Variants in TNC observed in about 807,000 individuals in gnomAD.
TNC encodes the protein tenascin.
In TNC, 109 loss-of-function variants were observed where a neutral mutation model predicts 202.4. The observed-to-expected ratio is 0.54, with a 90% confidence interval of 0.46 to 0.63. TNC has a LOEUF of 0.63. Among genes scored for constraint, TNC ranks in the 30% least tolerant of loss-of-function variants. The pLI, the probability that TNC is intolerant of heterozygous loss-of-function variation, is 0.00. For missense variants in TNC, 2,756 were observed against 2,833.3 expected (o/e 0.97, Z 0.62); for synonymous variants, 1,007 against 1,089.7 (o/e 0.92, Z 1.50).
rs1467630077 is a variant in TNC, at chr9:115,092,913, C to T, written c.-136-1759G>A. ...TATTTGGTTTTTAGCATGTCATTTA[C>T]AAATTGACATTTCCCTATGCCCATG... On this transcript the variant is annotated intron_variant, in intron 1 of 27. Coordinates refer to ENST00000350763, the MANE Select transcript of TNC (RefSeq NM_002160.4). 3.3e-5 allele frequency among the ~76,000 whole-genome samples: 5 copies of T among 152,128 alleles called. No individual in the cohort carries two copies. In the East Asian group the frequency reaches 9.6e-4, roughly 29 times the overall value.
chr9:115,059,314 T>A (rs903106439), intron 14 of TNC, among the ~76,000 whole-genome samples: 1 of 152,174 alleles, frequency 6.6e-6, no homozygotes, highest in Non-Finnish European at 1.5e-5. Context: ...AAAAGCACCA[T>A]TTCCAACTAG....
At chr9:115,091,532 A>G (rs949495276) in intron 1 of TNC, among the ~76,000 whole-genome samples, 5 of 152,340 alleles carry the variant, frequency 3.3e-5, no homozygotes, top group Non-Finnish European at 5.9e-5. Context: ...TGACAGGGTT[A>G]AAAGAATGAT....
chr9:115,029,748 G>A (rs999754043), intron 24 of TNC, among the ~76,000 whole-genome samples: 32 of 152,164 alleles, frequency 2.1e-4, no homozygotes, highest in Non-Finnish European at 1.3e-4. Flanking sequence ...ATAATGGGGA[G>A]GTTGTGTGGG....
chr9:115,066,812 T>C (rs1022547112), intron 10 of TNC, among the ~76,000 whole-genome samples: 3 of 152,264 alleles, frequency 2.0e-5, no homozygotes, highest in African/African-American at 7.2e-5. Flanking sequence ...TATTGGAGCA[T>C]AGCCATGCTT....
chr9:115,083,273 C>A (rs1191544161), intron 4 of TNC, among the ~76,000 whole-genome samples: 1 of 152,106 alleles, frequency 6.6e-6, no homozygotes, highest in Admixed American at 6.5e-5. Context: ...GAATAAATGG[C>A]AGCCAATGTT....
At chr9:115,101,718 T>G (rs928296052) in intron 1 of TNC, among the ~76,000 whole-genome samples, 8 of 152,182 alleles carry the variant, frequency 5.3e-5, no homozygotes, top group African/African-American at 1.7e-4. Flanking sequence ...AAGGAGCTAT[T>G]TTTTGTTCCT....
At position 115,077,977 on chromosome 9, in the gene TNC, C is replaced by G; in HGVS notation, c.2640G>C (p.Met880Ile). The G allele has an allele frequency of 1.2e-6, 2 of 1,614,198 alleles. No individual in the cohort carries two copies. The highest frequency in any genetic ancestry group is 1.7e-6 in the Non-Finnish European group (2 of 1,180,026). The change falls in exon 7 of 28, where the codon ATG becomes ATC. Residue 880 changes from methionine (M) to isoleucine (I), a missense_variant. By Grantham distance (10) the Met-to-Ile change is conservative. Around this residue, in one of 2 missense-constraint regions of TNC, gnomAD observed 2,559 missense variants for 2,546.0 expected, o/e 1.01. Coordinates refer to ENST00000350763, the MANE Select transcript of TNC (RefSeq NM_002160.4). ...AGGTCTCTTTGGCTGGGTTGCTTGA[C>G]ATGTCACCTCTGCGGGAGATGAGGG... ...EVSLISRRGD[M>I]SSNPAKETFT...
At chr9:115,084,943 C>T (rs1834594010) in intron 3 of TNC, among the ~76,000 whole-genome samples, 1 of 152,196 alleles carries the variant, frequency 6.6e-6, no homozygotes, top group Non-Finnish European at 1.5e-5. Flanking sequence ...GAACTTGTAT[C>T]TCCTCCCTGC....
chr9:115,055,689 T>G (rs1021902633), intron 15 of TNC: 1 of 152,294 alleles, frequency 6.6e-6, no homozygotes, highest in Non-Finnish European at 1.5e-5. Context: ...TCCCACGAGA[T>G]GGACACACTG....
chr9:115,038,250 C>T lies in TNC; in HGVS notation c.5512+11G>A. The stretch of plus-strand genomic sequence containing the variant: ...TCCTTAGAGTGAGGAGAGACTTGGA[C>T]AAAACCTTACCTTTCTCGCCTGTGT... On this transcript the variant is annotated intron_variant, in intron 20 of 27. Transcript: ENST00000350763. 6.2e-7 allele frequency: 1 copy of T among 1,612,820 alleles called. No individual in the cohort carries two copies. Among genetic ancestry groups the T allele is most frequent in the Non-Finnish European group, 8.5e-7 (1 of 1,179,090 alleles).
In TNC at chr9:115,027,565, C is replaced by T. The variant is rs979083948; in HGVS notation, c.6170-870G>A. 2.6e-5 allele frequency among the ~76,000 whole-genome samples: 4 copies of T among 152,066 alleles called. 1 individual carries two copies. Among genetic ancestry groups the T allele is most frequent in the African/African-American group, 9.6e-5 (4 of 41,466 alleles). On this transcript the variant is annotated intron_variant, in intron 25 of 27. Coordinates refer to ENST00000350763, the MANE Select transcript of TNC (RefSeq NM_002160.4). ...AGATCACACCACTGCATTCCAGCCT[C>T]GGCGACAGAGTGAAACTCTGTCTAA... is the stretch of plus-strand genomic sequence containing the variant.
intron 20 of TNC, 140 bp downstream of exon 20, chr9:115,038,121 T>G: frequency 8.9e-7 from 1 of 1,129,150 alleles, no homozygotes; most frequent in Admixed American, 2.5e-5. Flanking sequence ...GGGAGCCACA[T>G]GAACATTACT....
intron 1 of TNC, among the ~76,000 whole-genome samples, chr9:115,099,707 G>T (rs1410454557): frequency 6.6e-6 from 1 of 152,142 alleles, no homozygotes; most frequent in East Asian, 1.9e-4. Flanking sequence ...ATACTTAAAA[G>T]GATGGAGACC....
At chr9:115,067,673 A>G (rs909413487) in intron 10 of TNC, among the ~76,000 whole-genome samples, 2 of 152,146 alleles carry the variant, frequency 1.3e-5, no homozygotes, top group African/African-American at 4.8e-5. Context: ...TCGGATATTT[A>G]GTATGCCACT....
chr9:115,093,077 C>G (rs1835355686), intron 1 of TNC, among the ~76,000 whole-genome samples: 1 of 152,086 alleles, frequency 6.6e-6, no homozygotes, highest in Non-Finnish European at 1.5e-5. Flanking sequence ...TCAACATGAT[C>G]CCAACTGACC....
Position 115,078,108 on chromosome 9 carries a change from A to G in TNC, c.2509T>C (p.Tyr837His), listed in dbSNP as rs1406800539. 2.5e-6 allele frequency: 4 copies of G among 1,614,224 alleles called. No individual in the cohort carries two copies. The highest frequency in any genetic ancestry group is 2.7e-5 in the African/African-American group (2 of 75,054). Residue 837 changes from tyrosine (Y) to histidine (H), a missense_variant, in exon 7 of 28, where the codon TAC becomes CAC. Physicochemically the swap from Tyr to His is moderately conservative, Grantham distance 83. Coordinates refer to ENST00000350763, the MANE Select transcript of TNC (RefSeq NM_002160.4). ...LAEIDGIELT[Y>H]GIKDVPGDRT... ...TCTCCTGGCACGTCTTTGATGCCGT[A>G]GGTCAGCTCAATGCCATCGATCTCA...
Position 115,086,786 on chromosome 9 carries a change from G to T in TNC, c.945C>A (p.Cys315Ter). The T allele has an allele frequency of 6.2e-7, 1 of 1,613,930 alleles. No homozygotes were observed. Among genetic ancestry groups the T allele is most frequent in the Non-Finnish European group, 8.5e-7 (1 of 1,180,010 alleles). ...FTGEDCSELICPNDCFDRGRC... is the reference protein window; with the variant it reads ...FTGEDCSELI ...GGCCCCGGTCGAAGCAGTCATTGGG[G>T]CAGATGAGCTCACTGCAGTCTTCGC... is the stretch of plus-strand genomic sequence containing the variant. Residue 315 changes from cysteine to a stop codon, truncating the protein, a stop_gained, in exon 3 of 28, where the codon TGC (cysteine) becomes TGA (stop). Transcript: ENST00000350763. LOFTEE classifies it high-confidence loss of function.
chr9:115,081,309 C>A (rs898129050), intron 6 of TNC, among the ~76,000 whole-genome samples: 22 of 152,126 alleles, frequency 1.4e-4, no homozygotes, highest in Admixed American at 1.1e-3. Flanking sequence ...TAGTCACACC[C>A]CTTTGAAAGG....
intron 9 of TNC, 34 bp from the exon 10 acceptor site, chr9:115,073,900 G>T: frequency 6.3e-7 from 1 of 1,592,936 alleles, no homozygotes; most frequent in Non-Finnish European, 8.5e-7. Context: ...ATGCTCTTCA[G>T]GCTGCAAGAC....
Sources: gnomAD v4.1 joint callset for allele counts (sites outside exome capture counted in the v4.1 genomes callset) on GRCh38, gnomAD v4.1.1 for gene constraint, gnomAD v4.1.1 regional missense constraint, MANE v1.5 for transcripts, NCBI Gene and HGNC (gene_info 2026-07-23, HGNC 2026-07-21) for gene names.